Variants in ITFG1 observed in about 807,000 individuals in gnomAD.
The protein encoded by ITFG1 is T-cell immunomodulatory protein.
In ITFG1, 34 loss-of-function variants were observed where a neutral mutation model predicts 81.8. The ratio of observed to expected loss-of-function variants is 0.42; its 90% CI spans 0.32 to 0.55. The LOEUF is 0.55. Among genes scored for constraint, ITFG1 ranks in the 20% least tolerant of loss-of-function variants. The pLI is 0.17. For synonymous variants in ITFG1, 285 were observed against 270.6 expected, an observed-to-expected ratio of 1.05 and a Z score of -0.52; for missense variants, 672 against 755.4, an observed-to-expected ratio of 0.89 and a Z score of 1.29.
At chr16:47,303,845 G>A (rs568662717) in intron 10 of ITFG1, among the ~76,000 whole-genome samples, 1 of 152,176 alleles carries the variant, frequency 6.6e-6, no homozygotes, top group East Asian at 1.9e-4. Flanking sequence ...GCCCAGGCTG[G>A]TGTTGAACTT....
chr16:47,156,913 A>T (rs535311757), intron 17 of ITFG1, among the ~76,000 whole-genome samples: 2 of 152,312 alleles, frequency 1.3e-5, no homozygotes, highest in South Asian at 4.1e-4. Context: ...GAGTGACATG[A>T]TGAAGGCTAA....
intron 14 of ITFG1, among the ~76,000 whole-genome samples, chr16:47,187,142 C>T (rs370709658): frequency 6.6e-6 from 1 of 152,262 alleles, no homozygotes; most frequent in East Asian, 1.9e-4. Context: ...ACATTCCATG[C>T]TCATGGGTAG....
chr16:47,208,415 T>G (rs1248465762), intron 14 of ITFG1, among the ~76,000 whole-genome samples: 1 of 152,218 alleles, frequency 6.6e-6, no homozygotes, highest in Non-Finnish European at 1.5e-5. Flanking sequence ...AAGCTATTAT[T>G]TATTCCCAGA....
chr16:47,355,383 G>A (rs1968024436), intron 8 of ITFG1, among the ~76,000 whole-genome samples: 1 of 152,098 alleles, frequency 6.6e-6, no homozygotes, highest in Non-Finnish European at 1.5e-5. Context: ...ATCAGAGGCT[G>A]GGGAGAGGAT....
At chr16:47,188,533 T>C (rs910435930) in intron 14 of ITFG1, among the ~76,000 whole-genome samples, 6 of 147,590 alleles carry the variant, frequency 4.1e-5, no homozygotes, top group Non-Finnish European at 5.9e-5. Context: ...AAACACCGCA[T>C]ATTCTCACTC....
intron 7 of ITFG1, among the ~76,000 whole-genome samples, chr16:47,375,625 T>TG (rs1161307550): frequency 5.9e-5 from 9 of 152,248 alleles, no homozygotes. Flanking sequence ...CCTGTTAACA[T>TG]GCACATTAGG....
chr16:47,303,404 C>A (rs16955202), intron 10 of ITFG1, among the ~76,000 whole-genome samples: 4,532 of 152,208 alleles, frequency 0.03, 144 homozygotes, highest in East Asian at 0.11. Flanking sequence ...AGAGATGTAT[C>A]TTGCTACCAA....
At chr16:47,365,673 G>T in intron 8 of ITFG1, 115 bp downstream of exon 8, 1 of 629,776 alleles carries the variant, frequency 1.6e-6, no homozygotes, top group Admixed American at 2.8e-5. Flanking sequence ...AGCTATAATA[G>T]CTCTGAAGAC....
At chr16:47,177,854 G>C (rs771879304) in intron 14 of ITFG1, among the ~76,000 whole-genome samples, 9 of 152,166 alleles carry the variant, frequency 5.9e-5, no homozygotes, top group Non-Finnish European at 1.2e-4. Context: ...AATTGCTGAA[G>C]TATTTAGCTA....
intron 10 of ITFG1, among the ~76,000 whole-genome samples, chr16:47,273,106 G>C (rs139827024): frequency 1.2e-4 from 18 of 151,582 alleles, no homozygotes; most frequent in African/African-American, 3.4e-4. Flanking sequence ...CTCCTTGGCT[G>C]TCCTTAGAGC....
chr16:47,307,650 CT>C (rs1439994438), intron 10 of ITFG1, among the ~76,000 whole-genome samples: 1 of 152,126 alleles, frequency 6.6e-6, no homozygotes, highest in Non-Finnish European at 1.5e-5. Flanking sequence ...ATAATTTCAA[CT>C]TTTATTTTAG....
At chr16:47,277,967 A>G (rs1183964196) in intron 10 of ITFG1, among the ~76,000 whole-genome samples, 1 of 152,218 alleles carries the variant, frequency 6.6e-6, no homozygotes, top group African/African-American at 2.4e-5. Context: ...GCAAACAGAT[A>G]ACCTTTAAAG....
chr16:47,277,589 T>C (rs528078827), intron 10 of ITFG1, among the ~76,000 whole-genome samples: 20 of 152,336 alleles, frequency 1.3e-4, no homozygotes, highest in Non-Finnish European at 2.5e-4. Context: ...ATTTACAATA[T>C]GGCAGTGAAC....
intron 6 of ITFG1, among the ~76,000 whole-genome samples, chr16:47,389,512 T>A (rs1208660482): frequency 2.0e-5 from 3 of 152,114 alleles, no homozygotes; most frequent in African/African-American, 7.2e-5. Flanking sequence ...AAACAGTAAC[T>A]AAGAAGGTTA....
chr16:47,448,425 A>T (rs956222688), intron 5 of ITFG1: 7 of 152,148 alleles, frequency 4.6e-5, no homozygotes, highest in African/African-American at 1.4e-4. Flanking sequence ...CCCACACAAC[A>T]GTTAAAAATG....
chr16:47,251,235 T>C (rs1442277046), intron 12 of ITFG1, among the ~76,000 whole-genome samples: 1 of 152,212 alleles, frequency 6.6e-6, no homozygotes, highest in African/African-American at 2.4e-5. Flanking sequence ...CTTGTGTCTC[T>C]TGCTAGTGAC....
intron 14 of ITFG1, among the ~76,000 whole-genome samples, chr16:47,188,560 C>G (rs1434390181): frequency 1.5e-5 from 2 of 136,230 alleles, no homozygotes; most frequent in Non-Finnish European, 3.0e-5. Flanking sequence ...GGGAATTGAA[C>G]AATGAGAACA....
intron 5 of ITFG1, among the ~76,000 whole-genome samples, chr16:47,439,921 T>G (rs994773185): frequency 2.0e-5 from 3 of 152,166 alleles, no homozygotes; most frequent in African/African-American, 4.8e-5. Flanking sequence ...ACCCATCAGT[T>G]TGCTGTATTC....
chr16:47,395,394 T>C (rs1968581407), intron 6 of ITFG1, among the ~76,000 whole-genome samples: 1 of 152,198 alleles, frequency 6.6e-6, no homozygotes, highest in Admixed American at 6.5e-5. Flanking sequence ...ATTGGCATAA[T>C]ATATGCTGCT....
Sources: gnomAD v4.1 joint callset for allele counts (sites outside exome capture counted in the v4.1 genomes callset) on GRCh38, gnomAD v4.1.1 for gene constraint, MANE v1.5 for transcripts, NCBI Gene and HGNC (gene_info 2026-07-23, HGNC 2026-07-21) for gene names.